The following PDE11A variants were observed in gnomAD, a reference collection of about 807,000 sequenced individuals.
PDE11A encodes the protein phosphodiesterase 11A, also known as dual 3',5'-cyclic-AMP and -GMP phosphodiesterase 11A.
PDE11A carries 100 observed loss-of-function variants against 100.5 expected under a neutral mutation model. That is an observed-to-expected ratio of 1.00 (90% CI 0.85 to 1.18). PDE11A has a LOEUF of 1.18. PDE11A is among the 50% of genes most tolerant of loss of function. The pLI is 0.00. For synonymous variants in PDE11A, 381 were observed against 420.8 expected, an observed-to-expected ratio of 0.91 and a Z score of 1.16; for missense variants, 1,141 against 1,152.6, an observed-to-expected ratio of 0.99 and a Z score of 0.15.
intron 10 of PDE11A, among the ~76,000 whole-genome samples, chr2:177,749,636 A>G (rs1162488978): frequency 6.6e-6 from 1 of 152,144 alleles, no homozygotes; most frequent in Non-Finnish European, 1.5e-5. Flanking sequence ...CAGACAACTA[A>G]GAGTTGTTTA....
intron 10 of PDE11A, among the ~76,000 whole-genome samples, chr2:177,767,649 T>C (rs984994279): frequency 3.9e-5 from 6 of 152,018 alleles, no homozygotes; most frequent in African/African-American, 1.4e-4. Context: ...TTAAGTAAAA[T>C]TTATATGAAA....
chr2:177,839,973 C>A (rs2083462692), intron 6 of PDE11A, among the ~76,000 whole-genome samples: 1 of 152,130 alleles, frequency 6.6e-6, no homozygotes. Flanking sequence ...TGGGAAATAA[C>A]TTTGTTATAT....
chr2:177,664,405 A>G (rs1422517046), intron 18 of PDE11A, among the ~76,000 whole-genome samples: 1 of 152,078 alleles, frequency 6.6e-6, no homozygotes, highest in Non-Finnish European at 1.5e-5. Context: ...CATTTATACT[A>G]ATTTTTCTGG....
At chr2:178,022,532 T>C (rs376431328) in intron 1 of PDE11A, among the ~76,000 whole-genome samples, 1 of 152,110 alleles carries the variant, frequency 6.6e-6, no homozygotes, top group Non-Finnish European at 1.5e-5. Flanking sequence ...GTAAAAATTG[T>C]CTAGGTAAGG....
rs779465413 is a variant in PDE11A, at chr2:178,014,453, C to A, written c.920G>T (p.Arg307Leu). ...VNIPDAYQDR[R>L]FNDEIDKLTG... ...TAGCTTGTCGATTTCATCATTGAAT[C>A]GTCGATCCTAAAAATAAGACAAAGA... The change falls in exon 2 of 20, where the codon CGA (arginine) becomes CTA (leucine). Residue 307 changes from arginine to leucine, a missense_variant. Coordinates refer to ENST00000286063, the MANE Select transcript of PDE11A (RefSeq NM_016953.4). 2.5e-6 allele frequency: 4 copies of A among 1,612,446 alleles called. No individual in the cohort carries two copies. The highest frequency in any genetic ancestry group is 1.1e-5 in the South Asian group (1 of 91,020).
Position 177,711,768 on chromosome 2 carries a change from CT to C in PDE11A, c.2153del (p.Lys718ArgfsTer25). 6.7e-7 allele frequency: 1 copy of C among 1,499,980 alleles called. No individual in the cohort carries two copies. 92.9% of individuals were successfully genotyped at this position (1,499,980 alleles called of 1,614,324 possible). On this transcript the variant is annotated frameshift_variant and splice_region_variant, in exon 13 of 20. Transcript: ENST00000286063. LOFTEE classifies it high-confidence loss of function. ...AAATAACAACAGTTTAGAACACTTA[CT>C]TAGCTTGGAAGGCATTGTTGGTTCC... ...HRGTNNAFQA[K>X]SGSALAQLYG...
At chr2:177,794,143 G>A (rs1161855371) in intron 9 of PDE11A, among the ~76,000 whole-genome samples, 2 of 152,018 alleles carry the variant, frequency 1.3e-5, no homozygotes, top group African/African-American at 2.4e-5. Context: ...GCAGGGAAGG[G>A]AGATTAGCAT....
chr2:177,825,573 A>G (rs1026069284), intron 6 of PDE11A, among the ~76,000 whole-genome samples: 7 of 152,332 alleles, frequency 4.6e-5, no homozygotes, highest in Admixed American at 1.3e-4. Context: ...AGTCCATTTT[A>G]TCCTCTGCAG....
intron 5 of PDE11A, among the ~76,000 whole-genome samples, chr2:177,866,458 A>G (rs761099283): frequency 5.3e-5 from 8 of 152,192 alleles, no homozygotes; most frequent in Non-Finnish European, 8.8e-5. Context: ...CACTGTGGTC[A>G]AATGCTCTCC....
chr2:177,733,733 G>A (rs1382761716), intron 10 of PDE11A, among the ~76,000 whole-genome samples: 4 of 152,172 alleles, frequency 2.6e-5, no homozygotes, highest in Admixed American at 1.3e-4. Context: ...GTTGAGCTGT[G>A]GTGATGTGGA....
chr2:178,096,164 C>CT (rs1257178630), intron 2 of PDE11A, among the ~76,000 whole-genome samples: 5 of 110,300 alleles, frequency 4.5e-5, no homozygotes, highest in Non-Finnish European at 9.9e-5. Context: ...TTTTTCTTTT[C>CT]TTTTCTTTTT....
At chr2:177,923,539 T>A (rs13410185) in intron 2 of PDE11A, among the ~76,000 whole-genome samples, 3 of 152,140 alleles carry the variant, frequency 2.0e-5, no homozygotes, top group African/African-American at 2.4e-5. Context: ...GTGGTCATTG[T>A]TGACCCAATC....
intron 2 of PDE11A, among the ~76,000 whole-genome samples, chr2:178,003,513 G>T (rs1332947871): frequency 6.6e-6 from 1 of 152,094 alleles, no homozygotes; most frequent in African/African-American, 2.4e-5. Flanking sequence ...AACCCACAGA[G>T]ATAGAAGGTA....
chr2:178,071,140 C>T (rs1305281927), intron 1 of PDE11A, among the ~76,000 whole-genome samples: 6 of 152,152 alleles, frequency 3.9e-5, no homozygotes, highest in African/African-American at 1.4e-4. Context: ...ATCTTAACAC[C>T]GGAATTCTGG....
intron 17 of PDE11A, among the ~76,000 whole-genome samples, chr2:177,670,765 C>T (rs560426102): frequency 1.2e-3 from 190 of 152,182 alleles, no homozygotes; most frequent in Admixed American, 2.6e-3. Flanking sequence ...ATGCTAAACT[C>T]ACACACACAC....
chr2:177,955,467 G>A (rs1443056082), intron 2 of PDE11A, among the ~76,000 whole-genome samples: 5 of 152,134 alleles, frequency 3.3e-5, no homozygotes, highest in Non-Finnish European at 1.5e-5. Context: ...GAAGCTAGAG[G>A]TATAGCAGTT....
At chr2:177,735,175 T>A (rs1380489263) in intron 10 of PDE11A, among the ~76,000 whole-genome samples, 2 of 151,410 alleles carry the variant, frequency 1.3e-5, no homozygotes. Flanking sequence ...CCCGGGAGAG[T>A]TTAGTGAAAT....
intron 19 of PDE11A, among the ~76,000 whole-genome samples, chr2:177,663,170 G>C (rs192056454): frequency 4.0e-5 from 6 of 151,284 alleles, no homozygotes; most frequent in Admixed American, 3.9e-4. Context: ...GCCCTGATCC[G>C]CACTCAAAAA....
intron 1 of PDE11A, among the ~76,000 whole-genome samples, chr2:178,037,099 G>GA (rs961231589): frequency 6.6e-6 from 1 of 152,026 alleles, no homozygotes; most frequent in Admixed American, 6.6e-5. Context: ...TACAGAATGG[G>GA]AAAAAATGTT....
Sources: allele counts gnomAD v4.1 joint callset (sites outside exome capture counted in the v4.1 genomes callset), GRCh38; gene constraint gnomAD v4.1.1; transcripts MANE v1.5; gene names NCBI Gene and HGNC (gene_info 2026-07-23, HGNC 2026-07-21).